PTPN14: variants seen among roughly 807,000 people sequenced by gnomAD.
The protein encoded by PTPN14 is protein tyrosine phosphatase non-receptor type 14.
PTPN14 carries 53 observed loss-of-function variants against 126.8 expected under a neutral mutation model. That is an observed-to-expected ratio of 0.42 (90% CI 0.34 to 0.53). PTPN14 has a LOEUF of 0.53. PTPN14 is among the 20% of genes least tolerant of loss of function. The pLI is 0.08. For synonymous variants in PTPN14, 630 were observed against 599.3 expected (o/e 1.05, Z -0.75); for missense variants, 1,257 against 1,552.9 (o/e 0.81, Z 3.20).
intron 3 of PTPN14, among the ~76,000 whole-genome samples, chr1:214,422,011 T>C (rs947275410): frequency 1.3e-5 from 2 of 151,962 alleles, no homozygotes; most frequent in African/African-American, 2.4e-5. Context: ...TGGCACTAAG[T>C]AGAAGCTCAA....
intron 2 of PTPN14, among the ~76,000 whole-genome samples, chr1:214,453,069 T>C (rs1660305729): frequency 6.6e-6 from 1 of 152,200 alleles, no homozygotes; most frequent in African/African-American, 2.4e-5. Context: ...CTTGCCTATA[T>C]AAAGCTGCAG....
intron 10 of PTPN14, among the ~76,000 whole-genome samples, chr1:214,391,989 G>A (rs1351864472): frequency 1.3e-5 from 2 of 152,166 alleles, no homozygotes; most frequent in Non-Finnish European, 2.9e-5. Flanking sequence ...ATGACAAGCA[G>A]CAGCTCTGCA....
intron 8 of PTPN14, among the ~76,000 whole-genome samples, chr1:214,397,115 T>A (rs1289617254): frequency 6.6e-6 from 1 of 152,180 alleles, no homozygotes; most frequent in African/African-American, 2.4e-5. Flanking sequence ...GTTAGAAAAC[T>A]GTCTCAAAAT....
At chr1:214,533,385 C>A in intron 1 of PTPN14, 1 of 443,628 alleles carries the variant, frequency 2.3e-6, no homozygotes, top group Non-Finnish European at 4.3e-6. Flanking sequence ...CAACTCCACG[C>A]AAACCATTCA....
intron 4 of PTPN14, among the ~76,000 whole-genome samples, chr1:214,413,813 C>A (rs529037243): frequency 7.2e-5 from 11 of 152,142 alleles, no homozygotes; most frequent in Non-Finnish European, 1.5e-4. Flanking sequence ...GAATTACAGG[C>A]GTGTGCCACC....
chr1:214,534,510 G>A (rs954978692), intron 1 of PTPN14, among the ~76,000 whole-genome samples: 10 of 151,798 alleles, frequency 6.6e-5, no homozygotes, highest in African/African-American at 1.9e-4. Context: ...TCAGGAGATC[G>A]AGACCATCCT....
At chr1:214,424,452 C>T (rs746432356) in intron 3 of PTPN14, among the ~76,000 whole-genome samples, 5 of 152,106 alleles carry the variant, frequency 3.3e-5, no homozygotes, top group Non-Finnish European at 5.9e-5. Flanking sequence ...AGAGATAATT[C>T]GGAGATCCTG....
chr1:214,384,089 T>A lies in PTPN14; in HGVS notation c.1766A>T (p.Tyr589Phe), dbSNP rs771615930. 6.4e-7 allele frequency: 1 copy of A among 1,573,940 alleles called. No homozygotes were observed. Among genetic ancestry groups the A allele is most frequent in the Non-Finnish European group, 8.6e-7 (1 of 1,162,742 alleles). The part of the protein sequence containing the change: ...TPDLASHRHK[Y>F]VSGSSPDLVT... ...CAGGTCCGGGCTGCTGCCGCTGACGTACTTGTGGCGGTGGCTGGCCAGGTC... is the reference window on the plus strand; with the variant it reads ...CAGGTCCGGGCTGCTGCCGCTGACGAACTTGTGGCGGTGGCTGGCCAGGTC... The change falls in exon 13 of 19, where the codon TAC (tyrosine) becomes TTC (phenylalanine). Residue 589 changes from tyrosine (Y) to phenylalanine (F), a missense_variant. Physicochemically the swap from Tyr to Phe is conservative, Grantham distance 22. Around this residue, in one of 3 missense-constraint regions of PTPN14, gnomAD observed 1,021 missense variants for 1,183.3 expected, o/e 0.86. Coordinates refer to ENST00000366956, the MANE Select transcript of PTPN14 (RefSeq NM_005401.5). The surrounding 1 kb of genome is among the most constrained non-coding windows in gnomAD (Gnocchi z 5.3).
intron 3 of PTPN14, among the ~76,000 whole-genome samples, chr1:214,424,959 A>G (rs923981197): frequency 1.6e-4 from 24 of 147,054 alleles, no homozygotes; most frequent in African/African-American, 6.0e-4. Flanking sequence ...ATGCCTATCC[A>G]TCTCTGTTTT....
At chr1:214,549,480 T>G (rs576743180) in intron 1 of PTPN14, among the ~76,000 whole-genome samples, 1 of 152,348 alleles carries the variant, frequency 6.6e-6, no homozygotes, top group Admixed American at 6.5e-5. Context: ...TTGCACCTCA[T>G]GGCCACCCAT....
intron 3 of PTPN14, among the ~76,000 whole-genome samples, chr1:214,450,973 C>T (rs954038960): frequency 3.2e-4 from 48 of 152,202 alleles, no homozygotes; most frequent in African/African-American, 1.0e-3. Context: ...GGCTTCTTGT[C>T]TCCTCTTATT....
chr1:214,358,142 T>G, intron 18 of PTPN14, 92 bp from the exon 19 acceptor site: 2 of 1,467,904 alleles, frequency 1.4e-6, no homozygotes, highest in Middle Eastern at 2.5e-4. Flanking sequence ...ACTCACCCAC[T>G]GCCCATGTCC....
intron 1 of PTPN14, among the ~76,000 whole-genome samples, chr1:214,499,867 G>C (rs1654637437): frequency 1.3e-5 from 2 of 151,752 alleles, no homozygotes; most frequent in Non-Finnish European, 2.9e-5. Flanking sequence ...TCACATTACA[G>C]GAAACTCAAC....
intron 16 of PTPN14, among the ~76,000 whole-genome samples, chr1:214,370,140 C>T (rs1169282432): frequency 3.9e-5 from 6 of 152,160 alleles, no homozygotes; most frequent in South Asian, 2.1e-4. Flanking sequence ...ATTAGCCAGG[C>T]GCGGTGGCGG....
At chr1:214,397,195 C>A (rs760092403) in intron 8 of PTPN14, among the ~76,000 whole-genome samples, 3 of 152,310 alleles carry the variant, frequency 2.0e-5, no homozygotes, top group South Asian at 2.1e-4. Flanking sequence ...GTGGGCTATG[C>A]TTGCCTCCAA....
chr1:214,461,183 CAATT>C (rs1225152643), intron 2 of PTPN14, among the ~76,000 whole-genome samples: 3 of 152,098 alleles, frequency 2.0e-5, no homozygotes, highest in East Asian at 1.9e-4. Context: ...AGTGGCAAAA[CAATT>C]AATGTAAATA....
intron 3 of PTPN14, among the ~76,000 whole-genome samples, chr1:214,419,480 T>C (rs929964780): frequency 2.0e-5 from 3 of 152,184 alleles, no homozygotes; most frequent in Non-Finnish European, 4.4e-5. Flanking sequence ...CAAATTGTCC[T>C]GTCACTGTTA....
rs1019018200 is a variant in PTPN14 at position 214,357,294 on chromosome 1, G to A, written c.*628C>T. ...TATTCTGTCTTTAACTCAAGCTTGG[G>A]GGGGAAGTTGGGGTGGGGCGTGGGG... On this transcript the variant is annotated 3_prime_UTR_variant, in exon 19 of 19. Transcript: ENST00000366956. 6.6e-6 allele frequency: 1 copy of A among 152,034 alleles called. No homozygotes were observed. The highest frequency in any genetic ancestry group is 1.5e-5 in the Non-Finnish European group (1 of 68,032). The allele number at this position is 152,034 out of a possible 1,614,324, so 9.4% of individuals were successfully genotyped here.
intron 1 of PTPN14, among the ~76,000 whole-genome samples, chr1:214,522,738 G>C (rs1655290169): frequency 2.0e-5 from 3 of 152,022 alleles, no homozygotes; most frequent in Admixed American, 2.0e-4. Flanking sequence ...ACCACCAGAG[G>C]GCAAAAGTAA....
Sources: gnomAD v4.1 joint callset for allele counts (sites outside exome capture counted in the v4.1 genomes callset) on GRCh38, gnomAD v4.1.1 for gene constraint, gnomAD v4.1.1 regional missense constraint, Gnocchi (gnomAD v3.1) non-coding constraint, MANE v1.5 for transcripts, NCBI Gene and HGNC (gene_info 2026-07-23, HGNC 2026-07-21) for gene names.